Variants in AMD1 observed in about 807,000 individuals in gnomAD.
The protein encoded by AMD1 is adenosylmethionine decarboxylase 1.
AMD1 carries 11 observed loss-of-function variants against 40.2 expected under a neutral mutation model. That is an observed-to-expected ratio of 0.27 (90% confidence interval 0.17 to 0.45). The LOEUF is 0.45. Among genes scored for constraint, AMD1 ranks in the 20% least tolerant of loss-of-function variants. The pLI is 1.00. For synonymous variants in AMD1, 121 were observed against 130.8 expected (o/e 0.93, Z 0.51); for missense variants, 257 against 410.2 (o/e 0.63, Z 3.23).
chr6:110,877,474 G>T (rs1040945844), intron 1 of AMD1, among the ~76,000 whole-genome samples: 7 of 152,260 alleles, frequency 4.6e-5, no homozygotes, highest in Non-Finnish European at 2.9e-5. Context: ...CATGGGGCCA[G>T]CCCCAGAGAC....
the AMD1 span, among the ~76,000 whole-genome samples, chr6:110,829,624 G>A: frequency 6.6e-6 from 1 of 151,304 alleles, no homozygotes; most frequent in South Asian, 2.1e-4. Context: ...AGCTGAGATC[G>A]TGCCACTGCA....
At chr6:110,887,846 C>T (rs1010421974) in intron 2 of AMD1, among the ~76,000 whole-genome samples, 7 of 152,002 alleles carry the variant, frequency 4.6e-5, no homozygotes, top group South Asian at 2.1e-4. Flanking sequence ...CCATCATGCC[C>T]GGCTAATTTT....
rs749478302 is a variant in AMD1, at chr6:110,888,893, T to G, written c.234T>G (p.Ile78Met). Reference sequence around the variant, plus strand: ...TGTTTGTCTCCAAGAGACGTTTCATTTTGAAGACATGTGGTACCACCCTCT... The same window carrying G: ...TGTTTGTCTCCAAGAGACGTTTCATGTTGAAGACATGTGGTACCACCCTCT... ...SSMFVSKRRF[I>M]LKTCGTTLLL... The change falls in exon 3 of 9, where the codon ATT becomes ATG. Residue 78 changes from isoleucine to methionine, a missense_variant. Physicochemically the swap from Ile to Met is conservative, Grantham distance 10. This residue lies in a region of AMD1 where 8 missense variants were observed against 36.9 expected (regional missense o/e 0.22). Coordinates refer to ENST00000368885, the MANE Select transcript of AMD1 (RefSeq NM_001634.6). 1 of 1,613,142 alleles carries G rather than the reference T, an allele frequency of 6.2e-7. No homozygotes were observed. Among genetic ancestry groups the G allele is most frequent in the Non-Finnish European group, 8.5e-7 (1 of 1,179,872 alleles).
the AMD1 span, among the ~76,000 whole-genome samples, chr6:110,859,772 C>T: frequency 1.3e-5 from 2 of 152,114 alleles, no homozygotes; most frequent in African/African-American, 4.8e-5. Context: ...TGGAATTCTG[C>T]GTTGTTGGGG....
rs1285175156 is a variant in AMD1, at chr6:110,892,215, G to A, written c.470+12G>A. ...AATTCTGACTGTTGGTATGTTTAATGCAATTTTGTGGATTTTTGTTGTCCT... is the reference window on the plus strand; with the variant it reads ...AATTCTGACTGTTGGTATGTTTAATACAATTTTGTGGATTTTTGTTGTCCT... On this transcript the variant is annotated intron_variant, in intron 5 of 8. Coordinates refer to ENST00000368885, the MANE Select transcript of AMD1 (RefSeq NM_001634.6). 4 of 1,613,800 alleles carry A rather than the reference G, an allele frequency of 2.5e-6. No homozygotes were observed. In the South Asian group the frequency reaches 3.3e-5, roughly 13 times the overall value.
the AMD1 span, among the ~76,000 whole-genome samples, chr6:110,837,884 G>A: frequency 6.7e-6 from 1 of 148,894 alleles, no homozygotes; most frequent in Non-Finnish European, 1.5e-5. Context: ...CCAACAAGGT[G>A]AAGCCCCGTC....
At chr6:110,858,607 T>C in the AMD1 span, 2 of 1,557,820 alleles carry the variant, frequency 1.3e-6, no homozygotes, top group Non-Finnish European at 1.8e-6. Flanking sequence ...TGCAGGTGTC[T>C]CTTCTCGCCC....
At chr6:110,823,302 C>T in the AMD1 span, among the ~76,000 whole-genome samples, 1 of 152,110 alleles carries the variant, frequency 6.6e-6, no homozygotes, top group East Asian at 1.9e-4. Context: ...AGCATTTCCC[C>T]TGAGAGCTGG....
the AMD1 span, among the ~76,000 whole-genome samples, chr6:110,844,286 T>C: frequency 1.3e-5 from 2 of 150,052 alleles, no homozygotes; most frequent in South Asian, 4.2e-4. Flanking sequence ...TTTGACTGAG[T>C]AGCTGGGATT....
chr6:110,879,898 G>A (rs12208596), intron 1 of AMD1, among the ~76,000 whole-genome samples: 5,515 of 152,078 alleles, frequency 0.036, 130 homozygotes, highest in Middle Eastern at 0.071. Context: ...TAGCATCTAT[G>A]TATTGAGTTT....
At chr6:110,866,597 C>G in the AMD1 span, among the ~76,000 whole-genome samples, 1 of 152,128 alleles carries the variant, frequency 6.6e-6, no homozygotes, top group East Asian at 1.9e-4. Context: ...TGTACATGAT[C>G]CTGTGAAAAG....
chr6:110,887,855 T>G (rs565158754), intron 2 of AMD1, among the ~76,000 whole-genome samples: 1 of 152,192 alleles, frequency 6.6e-6, no homozygotes, highest in South Asian at 2.1e-4. Flanking sequence ...CCGGCTAATT[T>G]TTGTATTTTT....
the AMD1 span, chr6:110,815,047 G>A: frequency 6.2e-7 from 1 of 1,605,270 alleles, no homozygotes; most frequent in Non-Finnish European, 8.5e-7. Flanking sequence ...GACCGTAGGT[G>A]CCGCGTCCCA....
At chr6:110,832,897 T>G in the AMD1 span, among the ~76,000 whole-genome samples, 6 of 152,198 alleles carry the variant, frequency 3.9e-5, no homozygotes, top group Admixed American at 6.5e-5. Flanking sequence ...GTCGGCTCAC[T>G]GCAACTTCTG....
chr6:110,847,264 G>A, the AMD1 span, among the ~76,000 whole-genome samples: 4,198 of 152,080 alleles, frequency 0.028, 89 homozygotes, highest in South Asian at 0.099. Flanking sequence ...AGTGGCTCAC[G>A]CCTGTAATCC....
the AMD1 span, among the ~76,000 whole-genome samples, chr6:110,855,065 CTTTTTTT>C: frequency 1.1e-3 from 85 of 80,466 alleles, 1 homozygote; most frequent in Non-Finnish European, 5.8e-4. Flanking sequence ...CTCTCTCTCT[CTTTTTTT>C]TTTTTTTTTT....
chr6:110,828,070 CAG>C, the AMD1 span, among the ~76,000 whole-genome samples: 1 of 152,154 alleles, frequency 6.6e-6, no homozygotes, highest in Non-Finnish European at 1.5e-5. Flanking sequence ...GTTAATTTCA[CAG>C]AGCTTGGGCA....
the AMD1 span, among the ~76,000 whole-genome samples, chr6:110,829,348 A>G: frequency 3.1e-4 from 46 of 150,466 alleles, no homozygotes; most frequent in African/African-American, 1.1e-3. Flanking sequence ...CCTGGGCAAC[A>G]TGACAAAACT....
In AMD1 at chr6:110,892,561, C is replaced by G. The variant is rs143579330; in HGVS notation, c.615+118C>G. On this transcript the variant is annotated intron_variant, in intron 6 of 8. Coordinates refer to ENST00000368885, the MANE Select transcript of AMD1 (RefSeq NM_001634.6). Reference sequence around the variant, plus strand: ...AGTGCTAGTTTGTTACATAGGTAAACTTGTGTCATGGGGGTTTGTCGTACA... The same window carrying G: ...AGTGCTAGTTTGTTACATAGGTAAAGTTGTGTCATGGGGGTTTGTCGTACA... 3.1e-4 allele frequency: 460 copies of G among 1,469,020 alleles called. 4 individuals are homozygous for G. The African/African-American group carries it at 5.8e-3, about 18-fold the overall frequency. The allele number at this position is 1,469,020 out of a possible 1,614,324, so 91.0% of individuals were successfully genotyped here.
Sources: gnomAD v4.1 joint callset for allele counts (sites outside exome capture counted in the v4.1 genomes callset) on GRCh38, gnomAD v4.1.1 for gene constraint, gnomAD v4.1.1 regional missense constraint, MANE v1.5 for transcripts, NCBI Gene and HGNC (gene_info 2026-07-23, HGNC 2026-07-21) for gene names.